CSMD1: variants seen among roughly 807,000 people sequenced by gnomAD.
The protein encoded by CSMD1 is CUB and sushi domain-containing protein 1.
CSMD1 carries 213 observed loss-of-function variants against 417.5 expected under a neutral mutation model. That is an observed-to-expected ratio of 0.51 (90% CI 0.46 to 0.57). The LOEUF (loss-of-function observed/expected upper bound fraction) is 0.57, where lower values mean the gene tolerates loss of function less well. Among genes scored for constraint, CSMD1 ranks in the 20% least tolerant of loss-of-function variants. The probability of loss-of-function intolerance (pLI) is 0.00; values close to 1 mark genes in which losing one functional copy is unlikely to be tolerated. For missense variants in CSMD1, 6,923 were observed against 4,529.7 expected (o/e 1.53, Z -15.17); for synonymous variants, 2,862 against 1,736.8 (o/e 1.65, Z -16.11).
intron 10 of CSMD1, among the ~76,000 whole-genome samples, chr8:3,530,864 ATTTTT>A (rs57244912): frequency 3.1e-4 from 45 of 143,304 alleles, no homozygotes; most frequent in Non-Finnish European, 6.2e-4. Context: ...CCTTTTTCCT[ATTTTT>A]TTTTTTAAGA....
intron 41 of CSMD1, chr8:3,129,030 C>G (rs1450638325): frequency 1.2e-5 from 4 of 336,384 alleles, no homozygotes; most frequent in Non-Finnish European, 2.3e-5. Flanking sequence ...CAACCAGATG[C>G]TTGACCTAGG....
intron 5 of CSMD1, among the ~76,000 whole-genome samples, chr8:3,932,552 T>G (rs142458457): frequency 2.7e-5 from 4 of 150,738 alleles, no homozygotes; most frequent in African/African-American, 9.8e-5. Context: ...CAATTAAAGT[T>G]CAATGCATTG....
chr8:3,261,920 C>T (rs1801093461), intron 26 of CSMD1, among the ~76,000 whole-genome samples: 1 of 151,890 alleles, frequency 6.6e-6, no homozygotes, highest in Admixed American at 6.6e-5. Flanking sequence ...GGGAAATGTC[C>T]TACTTATTGA....
At chr8:3,954,857 T>C (rs149811941) in intron 5 of CSMD1, among the ~76,000 whole-genome samples, 22 of 152,344 alleles carry the variant, frequency 1.4e-4, no homozygotes, top group East Asian at 3.9e-4. Context: ...TGCATGTGCA[T>C]TGGAGTCTTT....
chr8:2,947,172 T>C lies in CSMD1; in HGVS notation c.10402+2127A>G, dbSNP rs573743839. Among the ~76,000 whole-genome samples the C allele has an allele frequency of 3.9e-5, 6 of 152,360 alleles. No individual in the cohort carries two copies. The East Asian group carries it at 9.6e-4, about 24-fold the overall frequency. On this transcript the variant is annotated intron_variant, in intron 68 of 69. Coordinates refer to ENST00000635120, the MANE Select transcript of CSMD1 (RefSeq NM_033225.6). ...TATTTTCTCTCATTCTTTGTGTGTA[T>C]GTTAGGGTTGAGTCATTCAATCCTA...
Position 3,953,374 on chromosome 8 carries a change from G to A in CSMD1, c.818+44529C>T, listed in dbSNP as rs139211826. Reference sequence around the variant, plus strand: ...ATTACATGCCATATAATGCAAGTTAGGTGTTTATATATACTTAGATATTCA... The same window carrying A: ...ATTACATGCCATATAATGCAAGTTAAGTGTTTATATATACTTAGATATTCA... On this transcript the variant is annotated intron_variant, in intron 5 of 69. Transcript: ENST00000635120. Among the ~76,000 whole-genome samples, 3 of 152,148 alleles carry A rather than the reference G, an allele frequency of 2.0e-5. No individual in the cohort carries two copies. In the East Asian group the frequency reaches 5.8e-4, roughly 29 times the overall value.
intron 3 of CSMD1, among the ~76,000 whole-genome samples, chr8:4,360,150 G>C (rs1035958735): frequency 6.6e-6 from 1 of 152,128 alleles, no homozygotes. Flanking sequence ...TGATCTGAGA[G>C]GATGAACTAC....
chr8:2,949,869 T>C (rs965965602), intron 67 of CSMD1, among the ~76,000 whole-genome samples: 9 of 152,144 alleles, frequency 5.9e-5, no homozygotes, highest in Admixed American at 2.6e-4. Flanking sequence ...TATCTGGGAA[T>C]GATTTCTTTT....
intron 3 of CSMD1, among the ~76,000 whole-genome samples, chr8:4,206,459 G>C (rs1021369687): frequency 2.0e-5 from 3 of 152,082 alleles, no homozygotes; most frequent in Admixed American, 6.6e-5. Context: ...CCTTGTGATA[G>C]TTTGCTCAGA....
At chr8:3,330,740 C>A (rs75905108) in intron 23 of CSMD1, among the ~76,000 whole-genome samples, 16,456 of 152,046 alleles carry the variant, frequency 0.11, 1,207 homozygotes, top group African/African-American at 0.2. Flanking sequence ...GTGCCCCAAA[C>A]CTAAAACAAA....
chr8:4,850,679 T>C (rs1801419895), intron 1 of CSMD1, among the ~76,000 whole-genome samples: 2 of 152,106 alleles, frequency 1.3e-5, no homozygotes, highest in South Asian at 2.1e-4. Context: ...CCCTTAGCTT[T>C]GTCTCTCTCT....
intron 6 of CSMD1, among the ~76,000 whole-genome samples, chr8:3,751,232 T>C (rs973329405): frequency 6.6e-6 from 1 of 151,948 alleles, no homozygotes; most frequent in African/African-American, 2.4e-5. Context: ...GATACCTTCA[T>C]ACCTTTTGAC....
At chr8:3,274,446 G>A (rs536653548) in intron 26 of CSMD1, among the ~76,000 whole-genome samples, 111 of 152,200 alleles carry the variant, frequency 7.3e-4, no homozygotes, top group Non-Finnish European at 1.2e-3. Context: ...TATTAGGTCC[G>A]CTTGGTGCAG....
intron 5 of CSMD1, among the ~76,000 whole-genome samples, chr8:3,788,830 C>A (rs1799580231): frequency 6.6e-6 from 1 of 152,286 alleles, no homozygotes; most frequent in Non-Finnish European, 1.5e-5. Context: ...TTCATGCAAC[C>A]TTCACACTAA....
At position 4,968,901 on chromosome 8, in the gene CSMD1, C is replaced by T. The variant is rs984662290; in HGVS notation, c.85+25431G>A. ...CATCAGTCTGTCTCTCGGGTTGCCA[C>T]CAACTACTGCAATGCTCAGCCCAAA... On this transcript the variant is annotated intron_variant, in intron 1 of 69. Transcript: ENST00000635120. Among the ~76,000 whole-genome samples the T allele has an allele frequency of 1.3e-4, 20 of 152,288 alleles. No homozygotes were observed. The East Asian group carries it at 3.9e-3, about 29-fold the overall frequency.
intron 5 of CSMD1, among the ~76,000 whole-genome samples, chr8:3,813,342 A>C (rs1486351408): frequency 6.6e-6 from 1 of 152,284 alleles, no homozygotes; most frequent in East Asian, 1.9e-4. Context: ...TACTGCAAGT[A>C]AATTTGATTT....
At position 4,680,954 on chromosome 8, in the gene CSMD1, G is replaced by A. The variant is rs547132762; in HGVS notation, c.86-43396C>T. Among the ~76,000 whole-genome samples, 35 of 91,742 alleles carry A rather than the reference G, an allele frequency of 3.8e-4. 1 individual carries two copies. In the East Asian group the frequency reaches 8.1e-3, roughly 21 times the overall value. 60.2% of individuals were successfully genotyped at this position (91,742 alleles called of 152,430 possible). A position where few individuals can be genotyped will look rare whatever the true frequency, so the allele number is the denominator to read the frequency against. ...ACCCCTAATCTATCTATATTGATGTGTGTGTGTGTGTGTGTGTGTGTGAGA... is the reference window on the plus strand; with the variant it reads ...ACCCCTAATCTATCTATATTGATGTATGTGTGTGTGTGTGTGTGTGTGAGA... On this transcript the variant is annotated intron_variant, in intron 1 of 69. Transcript: ENST00000635120.
In CSMD1 at chr8:3,399,502, G is replaced by A. The variant is rs370403521; in HGVS notation, c.2294C>T (p.Ser765Phe). 18 of 1,603,158 alleles carry A rather than the reference G, an allele frequency of 1.1e-5. No individual in the cohort carries two copies. The Admixed American group carries it at 3.1e-4, about 27-fold the overall frequency. Residue 765 changes from serine to phenylalanine, a missense_variant, in exon 16 of 70, where the codon TCC becomes TTC. Ser to Phe is a radical substitution (Grantham distance 155). Coordinates refer to ENST00000635120, the MANE Select transcript of CSMD1 (RefSeq NM_033225.6). ...EAPCGGHLTA[S>F]SGVILPPGWP... is the part of the protein sequence containing the mutation. ...TCCAGGAGGCAAAATGACTCCGCTG[G>A]ACGCTGTCAGATGTCCACCACATGG...
chr8:4,645,313 A>G (rs931575680), intron 1 of CSMD1, among the ~76,000 whole-genome samples: 8 of 152,024 alleles, frequency 5.3e-5, no homozygotes, highest in South Asian at 2.1e-4. Flanking sequence ...CAGGGGAGGC[A>G]GCTTTAGTTA....
Sources: allele counts gnomAD v4.1 joint callset (sites outside exome capture counted in the v4.1 genomes callset), GRCh38; gene constraint gnomAD v4.1.1; transcripts MANE v1.5; gene names NCBI Gene and HGNC (gene_info 2026-07-23, HGNC 2026-07-21).